Variants in COL4A3 observed in about 807,000 individuals in gnomAD.
COL4A3 encodes collagen alpha-3(IV) chain.
Under a neutral mutation model 217.4 loss-of-function variants are expected in COL4A3, and 135 were observed. That is an observed-to-expected ratio of 0.62 (90% confidence interval 0.54 to 0.72). The LOEUF is 0.72. COL4A3 is among the 30% of genes least tolerant of loss of function. The pLI is 0.00. For synonymous variants in COL4A3, 690 were observed against 736.3 expected, an observed-to-expected ratio of 0.94 and a Z score of 1.02; for missense variants, 1,868 against 2,119.9, an observed-to-expected ratio of 0.88 and a Z score of 2.33.
intron 9 of COL4A3, among the ~76,000 whole-genome samples, chr2:227,249,145 C>A (rs1375285675): frequency 4.3e-5 from 6 of 140,190 alleles, no homozygotes; most frequent in Non-Finnish European, 9.2e-5. Flanking sequence ...TCAAAAAGAC[C>A]CTTTCATAGA....
rs186432167 is a variant in COL4A3, at chr2:227,185,172, T to C, written c.87+20359T>C. ...TCCTCGGCCTCCCAAAGTGCTGGGA[T>C]TACAAGCGTGAGCCACAGCGCCCGG... On this transcript the variant is annotated intron_variant, in intron 1 of 51. Coordinates refer to ENST00000396578, the MANE Select transcript of COL4A3 (RefSeq NM_000091.5). Among the ~76,000 whole-genome samples, 736 of 152,244 alleles carry C rather than the reference T, an allele frequency of 4.8e-3. 7 individuals carry two copies. Among genetic ancestry groups the C allele is most frequent in the Admixed American group, 0.031 (470 of 15,292 alleles).
At chr2:227,208,895 G>A (rs915508534) in intron 1 of COL4A3, among the ~76,000 whole-genome samples, 4 of 151,944 alleles carry the variant, frequency 2.6e-5, no homozygotes, top group Non-Finnish European at 5.9e-5. Context: ...TATGCTGTGT[G>A]CAAATATTTC....
At position 227,313,652 on chromosome 2, in the gene COL4A3, A is replaced by G. The variant is rs781636655; in HGVS notation, c.*1782A>G. On this transcript the variant is annotated 3_prime_UTR_variant, in exon 52 of 52. Transcript: ENST00000396578. ...TATGGCCATGGCTCACATGGTTTACATCCTTCACTGCTCACGTGTTTGCTG... is the reference window on the plus strand; with the variant it reads ...TATGGCCATGGCTCACATGGTTTACGTCCTTCACTGCTCACGTGTTTGCTG... 2 of 152,652 alleles carry G rather than the reference A, an allele frequency of 1.3e-5. No homozygotes were observed. Among genetic ancestry groups the G allele is most frequent in the Non-Finnish European group, 2.9e-5 (2 of 68,040 alleles). The allele number at this position is 152,652 out of a possible 1,614,324, so 9.5% of individuals were successfully genotyped here.
At chr2:227,290,323 C>G (rs2072610241) in intron 36 of COL4A3, among the ~76,000 whole-genome samples, 1 of 152,048 alleles carries the variant, frequency 6.6e-6, no homozygotes, top group Non-Finnish European at 1.5e-5. Context: ...CATGGCGAAA[C>G]CCCATCTCTA....
rs2106274375 is a variant in COL4A3, at chr2:227,305,013, C to T, written c.4182C>T (p.Gly1394=). The T allele has an allele frequency of 6.2e-7, 1 of 1,613,852 alleles. No individual in the cohort carries two copies. The highest frequency in any genetic ancestry group is 2.2e-5 in the East Asian group (1 of 44,872). The change falls in exon 47 of 52, where the codon GGC becomes GGT. Residue 1394 remains glycine (G), a synonymous_variant. Coordinates refer to ENST00000396578, the MANE Select transcript of COL4A3 (RefSeq NM_000091.5). ...CCTGTGGGCCAAGAGGTAAGCCAGG[C>T]AAGGATGGAAAACCAGGAACTCCTG... The part of the protein sequence containing the change: ...LGPCGPRGKP[G]KDGKPGTPGP...
chr2:227,216,092 A>G (rs2067518348), intron 1 of COL4A3, among the ~76,000 whole-genome samples: 1 of 152,136 alleles, frequency 6.6e-6, no homozygotes, highest in Non-Finnish European at 1.5e-5. Flanking sequence ...AGAATGAGAG[A>G]TTGCTGCTTA....
rs2072073035 is a variant in COL4A3 at position 227,282,922 on chromosome 2, T to C, written c.2656+390T>C. 6.6e-6 allele frequency among the ~76,000 whole-genome samples: 1 copy of C among 152,150 alleles called. No individual in the cohort carries two copies. Among genetic ancestry groups the C allele is most frequent in the Non-Finnish European group, 1.5e-5 (1 of 68,016 alleles). Reference sequence around the variant, plus strand: ...GGGAAGTGTTTCCTCCTCTTGTATTTTCTGGAACAGTTTGTGAAGAATCGA... The same window carrying C: ...GGGAAGTGTTTCCTCCTCTTGTATTCTCTGGAACAGTTTGTGAAGAATCGA... On this transcript the variant is annotated intron_variant, in intron 32 of 51. Coordinates refer to ENST00000396578, the MANE Select transcript of COL4A3 (RefSeq NM_000091.5). This position sits in a 1 kb window ranked among gnomAD's most constrained non-coding sequence, Gnocchi z 4.4.
chr2:227,266,545 C>A, intron 22 of COL4A3, 36 bp downstream of exon 22: 1 of 1,491,906 alleles, frequency 6.7e-7, no homozygotes, highest in African/African-American at 1.4e-5. Flanking sequence ...TAGGATAAGC[C>A]TTTTTCATCG....
chr2:227,290,423 C>T (rs1317446048), intron 36 of COL4A3, among the ~76,000 whole-genome samples: 1 of 152,066 alleles, frequency 6.6e-6, no homozygotes, highest in African/African-American at 2.4e-5. Context: ...TCGCTTGAAC[C>T]CGAGAGGTGG....
intron 1 of COL4A3, among the ~76,000 whole-genome samples, chr2:227,171,537 G>A (rs2065473126): frequency 6.6e-6 from 1 of 152,180 alleles, no homozygotes; most frequent in African/African-American, 2.4e-5. Context: ...GAATGAAGCT[G>A]TTGGCGTCTG....
chr2:227,303,122 G>C lies in COL4A3; in HGVS notation c.3955+12G>C, dbSNP rs2073364009. The C allele has an allele frequency of 6.8e-6, 11 of 1,610,336 alleles. No individual in the cohort carries two copies. The highest frequency in any genetic ancestry group is 8.5e-6 in the Non-Finnish European group (10 of 1,176,620). On this transcript the variant is annotated intron_variant, in intron 44 of 51. Coordinates refer to ENST00000396578, the MANE Select transcript of COL4A3 (RefSeq NM_000091.5). ...TCCAGGCGTGAAAGGTACTGTTTTT[G>C]TGCATTGCTCTTTATATGCAAATAC...
intron 2 of COL4A3, 123 bp from the exon 3 acceptor site, chr2:227,240,020 A>G: frequency 1.1e-6 from 1 of 930,874 alleles, no homozygotes; most frequent in South Asian, 1.4e-5. Flanking sequence ...TTTTTAATCC[A>G]AGGAAAAAAC....
intron 1 of COL4A3, among the ~76,000 whole-genome samples, chr2:227,174,454 A>C (rs2065602650): frequency 6.6e-6 from 1 of 152,162 alleles, no homozygotes; most frequent in African/African-American, 2.4e-5. Context: ...AGTGCTCCAT[A>C]TAGTGCCTGG....
intron 32 of COL4A3, among the ~76,000 whole-genome samples, chr2:227,283,393 T>C (rs573935723): frequency 8.0e-4 from 122 of 152,292 alleles, no homozygotes; most frequent in African/African-American, 2.8e-3. Context: ...CCCCTTCTCA[T>C]AGTAGAGGAT....
intron 20 of COL4A3, among the ~76,000 whole-genome samples, chr2:227,261,893 A>G (rs2070596281): frequency 6.6e-6 from 1 of 152,240 alleles, no homozygotes; most frequent in Non-Finnish European, 1.5e-5. Flanking sequence ...GAGAGGAAAA[A>G]GAGTTGGATC....
chr2:227,290,194 T>C, intron 36 of COL4A3, 106 bp downstream of exon 36: 2 of 1,139,492 alleles, frequency 1.8e-6, no homozygotes, highest in South Asian at 1.3e-5. Flanking sequence ...AGAAAGCTTA[T>C]ATTAAAAAAC....
intron 42 of COL4A3, 120 bp from the exon 43 acceptor site, chr2:227,298,562 G>T (rs566455734): frequency 2.8e-6 from 4 of 1,405,404 alleles, no homozygotes; most frequent in East Asian, 4.7e-5. Flanking sequence ...TGCTCCAGGG[G>T]AAAGAATGTT....
At chr2:227,221,445 TTC>T (rs34386659) in intron 1 of COL4A3, 67,043 of 150,530 alleles carry the variant, frequency 0.45, 16,105 homozygotes, top group Non-Finnish European at 0.56. Flanking sequence ...TTTTTTTTTT[TTC>T]GCATTCATCC....
At chr2:227,258,422 G>A (rs80057101) in intron 18 of COL4A3, among the ~76,000 whole-genome samples, 11,545 of 152,228 alleles carry the variant, frequency 0.076, 591 homozygotes, top group East Asian at 0.14. Context: ...GATGCATAGA[G>A]CCCCTGTCTT....
Sources: gnomAD v4.1 joint callset for allele counts (sites outside exome capture counted in the v4.1 genomes callset) on GRCh38, gnomAD v4.1.1 for gene constraint, Gnocchi (gnomAD v3.1) non-coding constraint, MANE v1.5 for transcripts, NCBI Gene and HGNC (gene_info 2026-07-23, HGNC 2026-07-21) for gene names.